The following PPP2R2B variants were observed in gnomAD, a reference collection of about 807,000 sequenced individuals.
PPP2R2B encodes protein phosphatase 2 regulatory subunit Bbeta.
Under a neutral mutation model 46.0 loss-of-function variants are expected in PPP2R2B, and 5 were observed. That is an observed-to-expected ratio of 0.11 (90% CI 0.06 to 0.23). PPP2R2B has a LOEUF of 0.23. PPP2R2B is among the 10% of genes least tolerant of loss of function. The probability of loss-of-function intolerance (pLI) is 1.00; values close to 1 mark genes in which losing one functional copy is unlikely to be tolerated. For missense variants in PPP2R2B, 367 were observed against 575.0 expected (o/e 0.64, Z 3.70); for synonymous variants, 215 against 206.7 (o/e 1.04, Z -0.34).
intron 2 of PPP2R2B, among the ~76,000 whole-genome samples, chr5:146,732,828 A>C (rs952857479): frequency 1.3e-5 from 2 of 152,114 alleles, no homozygotes; most frequent in African/African-American, 4.8e-5. Flanking sequence ...GATTGACTCC[A>C]CCTCCATATA....
intron 1 of PPP2R2B, among the ~76,000 whole-genome samples, chr5:146,936,693 T>A (rs912184552): frequency 6.6e-6 from 1 of 151,930 alleles, no homozygotes; most frequent in African/African-American, 2.4e-5. Context: ...GTCATTTCAT[T>A]TCGTTTAGCC....
chr5:146,838,706 A>G (rs1759446822), intron 2 of PPP2R2B, among the ~76,000 whole-genome samples: 1 of 152,216 alleles, frequency 6.6e-6, no homozygotes, highest in African/African-American at 2.4e-5. Context: ...GAGTTAAGAA[A>G]GTGATATGCT....
intron 2 of PPP2R2B, among the ~76,000 whole-genome samples, chr5:146,754,763 C>T (rs1402887881): frequency 6.6e-6 from 1 of 152,190 alleles, no homozygotes; most frequent in Non-Finnish European, 1.5e-5. Flanking sequence ...TGTGGAGAAG[C>T]CCATGTGGCA....
intron 2 of PPP2R2B, among the ~76,000 whole-genome samples, chr5:146,735,466 C>T (rs1283953756): frequency 2.0e-5 from 3 of 152,136 alleles, no homozygotes; most frequent in Non-Finnish European, 4.4e-5. Flanking sequence ...CCCAGAGCCT[C>T]AGCTTGGGCT....
intron 2 of PPP2R2B, among the ~76,000 whole-genome samples, chr5:146,809,076 T>C (rs559287067): frequency 6.6e-6 from 1 of 152,036 alleles, no homozygotes; most frequent in East Asian, 1.9e-4. Flanking sequence ...ACCAAGGACT[T>C]GCCTAGAAAT....
chr5:147,009,180 G>T (rs1754596159), intron 1 of PPP2R2B, among the ~76,000 whole-genome samples: 1 of 152,142 alleles, frequency 6.6e-6, no homozygotes, highest in Non-Finnish European at 1.5e-5. Flanking sequence ...CTTTCATCAT[G>T]TTGATAGCAG....
intron 1 of PPP2R2B, among the ~76,000 whole-genome samples, chr5:146,913,519 G>A (rs896604693): frequency 1.5e-4 from 23 of 150,840 alleles, no homozygotes; most frequent in Non-Finnish European, 2.9e-5. Flanking sequence ...TATATTCTAG[G>A]CCTCTTTACT....
At chr5:146,810,644 C>T (rs1757475622) in intron 2 of PPP2R2B, among the ~76,000 whole-genome samples, 1 of 152,166 alleles carries the variant, frequency 6.6e-6, no homozygotes, top group African/African-American at 2.4e-5. Context: ...CTTTCCTTCA[C>T]CTTCACTGCC....
intron 2 of PPP2R2B, among the ~76,000 whole-genome samples, chr5:147,067,943 C>T (rs1171817264): frequency 6.6e-6 from 1 of 152,144 alleles, no homozygotes; most frequent in Non-Finnish European, 1.5e-5. Flanking sequence ...GCCTAGAACC[C>T]TCTACAGGTG....
At chr5:146,691,006 G>C (rs1778814151) in intron 5 of PPP2R2B, 122 bp downstream of exon 5, 3 of 749,186 alleles carry the variant, frequency 4.0e-6, no homozygotes, top group African/African-American at 1.8e-5. Flanking sequence ...GGTAGGCTGA[G>C]TCTCTGCCTA....
At chr5:146,689,353 T>C (rs1561834728) in intron 5 of PPP2R2B, among the ~76,000 whole-genome samples, 1 of 152,214 alleles carries the variant, frequency 6.6e-6, no homozygotes, top group East Asian at 1.9e-4. Context: ...TAACACTGGT[T>C]CCATAAGATT....
intron 1 of PPP2R2B, among the ~76,000 whole-genome samples, chr5:147,010,175 A>C (rs2151876801): frequency 6.6e-6 from 1 of 152,302 alleles, no homozygotes; most frequent in Middle Eastern, 3.4e-3. Flanking sequence ...AAACCCAGCA[A>C]TACATAAAAA....
intron 2 of PPP2R2B, among the ~76,000 whole-genome samples, chr5:146,719,934 C>T (rs1437444847): frequency 6.6e-6 from 1 of 152,154 alleles, no homozygotes; most frequent in Non-Finnish European, 1.5e-5. Flanking sequence ...GAAGCAGCTG[C>T]TCCCTTTAGA....
chr5:146,990,517 T>A (rs796331783), intron 1 of PPP2R2B, among the ~76,000 whole-genome samples: 1 of 152,058 alleles, frequency 6.6e-6, no homozygotes, highest in Admixed American at 6.6e-5. Context: ...GATAGTCACA[T>A]GAAGAAGAAT....
chr5:146,973,344 C>T (rs979271415), intron 1 of PPP2R2B, among the ~76,000 whole-genome samples: 1 of 152,210 alleles, frequency 6.6e-6, no homozygotes, highest in Non-Finnish European at 1.5e-5. Context: ...AACATAAACT[C>T]TCATATTTTA....
Position 146,584,746 on chromosome 5 carries a change from AAT to A in PPP2R2B, c.*5199_*5200del, listed in dbSNP as rs376863005. The stretch of plus-strand genomic sequence containing the variant: ...ACAGTGCTTAAAATAAGGTTTAATA[AAT>A]ATTTGTTATTGGATGAACAAAAGGA... On this transcript the variant is annotated 3_prime_UTR_variant, in exon 10 of 10. Transcript: ENST00000394411. The A allele has an allele frequency of 1.4e-4, 21 of 152,334 alleles. No homozygotes were observed. Among genetic ancestry groups the A allele is most frequent in the African/African-American group, 4.8e-4 (20 of 41,572 alleles). 9.4% of individuals were successfully genotyped at this position (152,334 alleles called of 1,614,324 possible). A position where few individuals can be genotyped will look rare whatever the true frequency, so the allele number is the denominator to read the frequency against.
intron 2 of PPP2R2B, among the ~76,000 whole-genome samples, chr5:146,873,199 C>A (rs1239161245): frequency 2.6e-5 from 4 of 152,176 alleles, no homozygotes; most frequent in Non-Finnish European, 4.4e-5. Context: ...CATCTGCACC[C>A]AATCATAGTA....
intron 2 of PPP2R2B, among the ~76,000 whole-genome samples, chr5:146,778,862 C>T (rs1391518685): frequency 2.6e-5 from 4 of 152,202 alleles, no homozygotes; most frequent in African/African-American, 9.6e-5. Flanking sequence ...AATGAAGATG[C>T]TTAAATCCCC....
chr5:146,843,679 T>C (rs1759804035), intron 2 of PPP2R2B, among the ~76,000 whole-genome samples: 1 of 152,224 alleles, frequency 6.6e-6, no homozygotes, highest in Admixed American at 6.5e-5. Context: ...ACTTGCTTCT[T>C]CTATCTTACA....
Sources: gnomAD v4.1 joint callset for allele counts (sites outside exome capture counted in the v4.1 genomes callset) on GRCh38, gnomAD v4.1.1 for gene constraint, MANE v1.5 for transcripts, NCBI Gene and HGNC (gene_info 2026-07-23, HGNC 2026-07-21) for gene names.